Variants in MARCHF10 observed in about 807,000 individuals in gnomAD.
MARCHF10 encodes probable E3 ubiquitin-protein ligase MARCHF10.
Under a neutral mutation model 76.2 loss-of-function variants are expected in MARCHF10, and 64 were observed. The ratio of observed to expected loss-of-function variants is 0.84; its 90% CI spans 0.69 to 1.03. The LOEUF is 1.03. MARCHF10 is among the 50% of genes least tolerant of loss of function. The pLI, the probability that MARCHF10 is intolerant of heterozygous loss-of-function variation, is 0.00. For synonymous variants in MARCHF10, 340 were observed against 357.5 expected, an observed-to-expected ratio of 0.95 and a Z score of 0.55; for missense variants, 875 against 958.0, an observed-to-expected ratio of 0.91 and a Z score of 1.14.
At chr17:62,767,498 CG>C (rs1568182303) in intron 3 of MARCHF10, among the ~76,000 whole-genome samples, 1 of 145,018 alleles carries the variant, frequency 6.9e-6, no homozygotes, top group African/African-American at 2.5e-5. Flanking sequence ...TCGCCCAGGC[CG>C]GAGTGCAGTG....
At chr17:62,759,149 A>G (rs527360209) in intron 4 of MARCHF10, among the ~76,000 whole-genome samples, 1 of 152,342 alleles carries the variant, frequency 6.6e-6, no homozygotes, top group South Asian at 2.1e-4. Flanking sequence ...TCTCTTGGCT[A>G]TAAATTATGC....
chr17:62,747,114 G>C, intron 4 of MARCHF10: 2 of 674,054 alleles, frequency 3.0e-6, no homozygotes, highest in South Asian at 1.8e-5. Context: ...TCGTCTCTCA[G>C]CCAGTCTACA....
At chr17:62,743,811 G>A (rs2091602820) in intron 5 of MARCHF10, among the ~76,000 whole-genome samples, 1 of 152,112 alleles carries the variant, frequency 6.6e-6, no homozygotes, top group African/African-American at 2.4e-5. Context: ...CAGTCTTTGG[G>A]AATAAAGCAT....
At chr17:62,730,999 A>G (rs1446787462) in intron 6 of MARCHF10, among the ~76,000 whole-genome samples, 1 of 152,236 alleles carries the variant, frequency 6.6e-6, no homozygotes, top group Non-Finnish European at 1.5e-5. Flanking sequence ...ATCTAGAACC[A>G]TAAGACAGCA....
At chr17:62,762,533 T>C (rs1278022654) in intron 3 of MARCHF10, among the ~76,000 whole-genome samples, 5 of 152,150 alleles carry the variant, frequency 3.3e-5, no homozygotes, top group Admixed American at 2.0e-4. Flanking sequence ...TTCTCAGCCA[T>C]TCCCATCTAT....
At chr17:62,764,360 C>T (rs962323091) in intron 3 of MARCHF10, among the ~76,000 whole-genome samples, 9 of 152,128 alleles carry the variant, frequency 5.9e-5, no homozygotes, top group African/African-American at 1.7e-4. Context: ...GTGTACCGAA[C>T]CCATCTTTGC....
intron 1 of MARCHF10, among the ~76,000 whole-genome samples, chr17:62,805,908 T>TAAA (rs55879760): frequency 1.6e-5 from 2 of 125,370 alleles, no homozygotes; most frequent in South Asian, 4.7e-4. Flanking sequence ...CCCTCAAAAA[T>TAAA]AAAAAAAAAT....
chr17:62,749,776 C>T (rs1157492386), intron 4 of MARCHF10, among the ~76,000 whole-genome samples: 3 of 152,188 alleles, frequency 2.0e-5, no homozygotes, highest in Admixed American at 1.3e-4. Flanking sequence ...GTCCCTCCTC[C>T]GAGTGGTTCT....
chr17:62,752,368 G>A (rs1599226334), intron 4 of MARCHF10, among the ~76,000 whole-genome samples: 1 of 152,130 alleles, frequency 6.6e-6, no homozygotes, highest in African/African-American at 2.4e-5. Context: ...CTGTTGGGCA[G>A]GAGACCTGGG....
At chr17:62,782,016 G>A (rs947944638) in intron 3 of MARCHF10, among the ~76,000 whole-genome samples, 1 of 152,124 alleles carries the variant, frequency 6.6e-6, no homozygotes, top group Admixed American at 6.6e-5. Flanking sequence ...GAAATGACTT[G>A]GGATATTTCC....
At chr17:62,792,341 T>G (rs1468794355) in intron 2 of MARCHF10, among the ~76,000 whole-genome samples, 2 of 152,058 alleles carry the variant, frequency 1.3e-5, no homozygotes, top group South Asian at 4.1e-4. Context: ...AGCTGACTAA[T>G]GCCATTGATT....
intron 5 of MARCHF10, among the ~76,000 whole-genome samples, chr17:62,740,642 GCTT>G (rs1343751661): frequency 2.0e-5 from 3 of 151,978 alleles, no homozygotes; most frequent in African/African-American, 7.3e-5. Flanking sequence ...CTTTGGCTCA[GCTT>G]CTTTTTTTCT....
intron 5 of MARCHF10, 152 bp downstream of exon 5, chr17:62,744,224 C>T: frequency 1.2e-6 from 1 of 852,114 alleles, no homozygotes; most frequent in Non-Finnish European, 1.8e-6. Flanking sequence ...TAGGATCATA[C>T]AATTTGCTTT....
chr17:62,762,101 C>A (rs73335769), intron 3 of MARCHF10, among the ~76,000 whole-genome samples: 3,250 of 152,244 alleles, frequency 0.021, 123 homozygotes, highest in African/African-American at 0.072. Flanking sequence ...TTTCCATTAC[C>A]CCCAGCCAGG....
intron 3 of MARCHF10, among the ~76,000 whole-genome samples, chr17:62,762,789 G>T (rs530805636): frequency 2.0e-5 from 3 of 152,138 alleles, no homozygotes; most frequent in African/African-American, 7.2e-5. Flanking sequence ...CAGGCAAGCC[G>T]CCCGCCTTGG....
chr17:62,736,332 T>G lies in MARCHF10; in HGVS notation c.1536A>C (p.Pro512=), dbSNP rs775232847. The change falls in exon 6 of 11, where the codon CCA becomes CCC. Residue 512 remains proline, a synonymous_variant. Coordinates refer to ENST00000311269, the MANE Select transcript of MARCHF10 (RefSeq NM_152598.4). ...GAGTCCTATTTCTAATGGGAGACAG[T>G]GGTTGGCAAACATGAAACCCTGAGT... ...EGNSGFHVCQ[P]LSPIRNRTPF... 4 of 1,614,242 alleles carry G rather than the reference T, an allele frequency of 2.5e-6. No individual in the cohort carries two copies. The highest frequency in any genetic ancestry group is 3.4e-6 in the Non-Finnish European group (4 of 1,180,042).
intron 10 of MARCHF10, among the ~76,000 whole-genome samples, chr17:62,702,874 G>C (rs2089331561): frequency 6.6e-6 from 1 of 152,152 alleles, no homozygotes; most frequent in Non-Finnish European, 1.5e-5. Flanking sequence ...CAGTAGCCTT[G>C]ACTGGGTGTT....
At chr17:62,733,721 T>C (rs1036196695) in intron 6 of MARCHF10, among the ~76,000 whole-genome samples, 2 of 152,178 alleles carry the variant, frequency 1.3e-5, no homozygotes, top group African/African-American at 4.8e-5. Context: ...GGTATATCCA[T>C]ATGAGAGAAT....
chr17:62,750,868 C>T (rs936888519), intron 4 of MARCHF10, among the ~76,000 whole-genome samples: 2 of 152,226 alleles, frequency 1.3e-5, no homozygotes, highest in African/African-American at 4.8e-5. Flanking sequence ...CCACTGCCAG[C>T]TTAATGAGCT....
Sources: gnomAD v4.1 joint callset for allele counts (sites outside exome capture counted in the v4.1 genomes callset) on GRCh38, gnomAD v4.1.1 for gene constraint, MANE v1.5 for transcripts, NCBI Gene and HGNC (gene_info 2026-07-23, HGNC 2026-07-21) for gene names.